Variants in OCIAD2 observed in about 807,000 individuals in gnomAD.
OCIAD2 encodes the protein OCIA domain-containing protein 2.
Under a neutral mutation model 22.9 loss-of-function variants are expected in OCIAD2, and 29 were observed. The ratio of observed to expected loss-of-function variants is 1.27; its 90% CI spans 0.94 to 1.73. OCIAD2 has a LOEUF of 1.73. OCIAD2 is among the 40% of genes most tolerant of loss of function. The probability of loss-of-function intolerance (pLI) is 0.00; values close to 1 mark genes in which losing one functional copy is unlikely to be tolerated. For missense variants in OCIAD2, 189 were observed against 180.3 expected (o/e 1.05, Z -0.28); for synonymous variants, 67 against 60.2 (o/e 1.11, Z -0.52).
chr4:48,885,938 C>T (rs575877162), intron 6 of OCIAD2, among the ~76,000 whole-genome samples: 40 of 152,194 alleles, frequency 2.6e-4, no homozygotes, highest in Non-Finnish European at 4.9e-4. Flanking sequence ...AATAACATCC[C>T]ATTTGTCAAT....
chr4:48,904,889 G>T (rs1233791343), intron 1 of OCIAD2, among the ~76,000 whole-genome samples: 1 of 152,122 alleles, frequency 6.6e-6, no homozygotes, highest in Non-Finnish European at 1.5e-5. Context: ...GATAAGACAA[G>T]ATCACCGCTG....
chr4:48,887,452 AG>A (rs1277253166), intron 6 of OCIAD2, among the ~76,000 whole-genome samples: 3 of 152,210 alleles, frequency 2.0e-5, no homozygotes, highest in African/African-American at 7.2e-5. Context: ...GTTTTCTTCT[AG>A]GGTTCATATG....
intron 1 of OCIAD2, among the ~76,000 whole-genome samples, chr4:48,905,942 G>C (rs1781515404): frequency 6.6e-6 from 1 of 152,142 alleles, no homozygotes; most frequent in South Asian, 2.1e-4. Flanking sequence ...CAATGGTGAG[G>C]GGCTCTTGCA....
At chr4:48,906,483 C>T (rs1781528691) in intron 1 of OCIAD2, among the ~76,000 whole-genome samples, 175 bp downstream of exon 1, 3 of 152,218 alleles carry the variant, frequency 2.0e-5, no homozygotes, top group Admixed American at 2.0e-4. Context: ...GCAGCCAGCG[C>T]CACCCCAAGC....
chr4:48,906,360 T>G (rs1318704110), intron 1 of OCIAD2, among the ~76,000 whole-genome samples: 4 of 151,910 alleles, frequency 2.6e-5, no homozygotes, highest in Non-Finnish European at 5.9e-5. Flanking sequence ...TAGGATGGCT[T>G]GGAGGGGGGC....
rs1229659007 is a variant in OCIAD2, at chr4:48,885,538, G to C, written c.411C>G (p.Cys137Trp). 6.2e-7 allele frequency: 1 copy of C among 1,610,216 alleles called. No homozygotes were observed. Among genetic ancestry groups the C allele is most frequent in the Non-Finnish European group, 8.5e-7 (1 of 1,176,398 alleles). ...NRHCLLTCEE[C>W]KIKHGLSEKG... ...TCTCACTTAATCCATGCTTTATTTT[G>C]CATTCCTCACAGGTAAGGAGGCAGT... Residue 137 changes from cysteine to tryptophan, a missense_variant, in exon 7 of 7, where the codon TGC becomes TGG. Physicochemically the swap from Cys to Trp is radical, Grantham distance 215. Transcript: ENST00000508632.
At chr4:48,892,241 C>T (rs1781194426) in intron 6 of OCIAD2, among the ~76,000 whole-genome samples, 2 of 152,178 alleles carry the variant, frequency 1.3e-5, no homozygotes, top group African/African-American at 4.8e-5. Context: ...ATCTTGATCA[C>T]TATTTTATAC....
chr4:48,888,987 A>T (rs1451523311), intron 6 of OCIAD2, among the ~76,000 whole-genome samples: 1 of 152,060 alleles, frequency 6.6e-6, no homozygotes. Flanking sequence ...TTGGTTGGTA[A>T]GCTATTAATT....
chr4:48,889,484 C>T (rs1781101359), intron 6 of OCIAD2, among the ~76,000 whole-genome samples: 1 of 152,208 alleles, frequency 6.6e-6, no homozygotes, highest in East Asian at 1.9e-4. Context: ...GACATTTATG[C>T]AGCCAACAGA....
rs191172064 is a variant in OCIAD2, at chr4:48,891,613, C to A, written c.383+1159G>T. On this transcript the variant is annotated intron_variant, in intron 6 of 6. Transcript: ENST00000508632. Reference sequence around the variant, plus strand: ...AAGTGGGTTAATTGCAAAAGACACTCCTGAAATTGAAGAGGAAGAGGAAGA... The same window carrying A: ...AAGTGGGTTAATTGCAAAAGACACTACTGAAATTGAAGAGGAAGAGGAAGA... 2.6e-5 allele frequency among the ~76,000 whole-genome samples: 4 copies of A among 152,296 alleles called. No homozygotes were observed. In the South Asian group the frequency reaches 8.3e-4, roughly 32 times the overall value.
chr4:48,891,799 T>C (rs1419436231), intron 6 of OCIAD2, among the ~76,000 whole-genome samples: 1 of 152,222 alleles, frequency 6.6e-6, no homozygotes, highest in Non-Finnish European at 1.5e-5. Flanking sequence ...TATAGATTCT[T>C]TGGTGGCCTT....
chr4:48,897,062 A>G (rs895114005), intron 4 of OCIAD2: 2 of 152,528 alleles, frequency 1.3e-5, no homozygotes, highest in African/African-American at 4.8e-5. Context: ...GCCAAAAGAA[A>G]TGGTGTGGTG....
intron 2 of OCIAD2, among the ~76,000 whole-genome samples, chr4:48,901,393 C>T (rs1781414880): frequency 6.6e-6 from 1 of 152,128 alleles, no homozygotes; most frequent in Non-Finnish European, 1.5e-5. Flanking sequence ...TTGTTGCAGT[C>T]TCCACTCCTA....
Position 48,885,381 on chromosome 4 carries a change from G to A in OCIAD2, c.*103C>T, listed in dbSNP as rs1780951261. Reference sequence around the variant, plus strand: ...CATTTCAGTGAGTGACAGACACAATGTTTTTGTTCCATTAGAAGTATTTTA... The same window carrying A: ...CATTTCAGTGAGTGACAGACACAATATTTTTGTTCCATTAGAAGTATTTTA... On this transcript the variant is annotated 3_prime_UTR_variant, in exon 7 of 7. Coordinates refer to ENST00000508632, the MANE Select transcript of OCIAD2 (RefSeq NM_001014446.3). The A allele has an allele frequency of 2.7e-6, 2 of 745,094 alleles. No homozygotes were observed. Among genetic ancestry groups the A allele is most frequent in the Non-Finnish European group, 2.4e-6 (1 of 412,744 alleles). 46.2% of individuals were successfully genotyped at this position (745,094 alleles called of 1,614,324 possible).
chr4:48,888,547 G>C (rs1010584475), intron 6 of OCIAD2, among the ~76,000 whole-genome samples: 1 of 152,106 alleles, frequency 6.6e-6, no homozygotes, highest in Non-Finnish European at 1.5e-5. Context: ...TAGCATGAAG[G>C]GCTATTGGAT....
chr4:48,889,730 A>G (rs1437812123), intron 6 of OCIAD2, among the ~76,000 whole-genome samples: 6 of 152,230 alleles, frequency 3.9e-5, no homozygotes, highest in Non-Finnish European at 7.3e-5. Flanking sequence ...TAGAAATACC[A>G]TTTGACCCAA....
chr4:48,886,798 C>T (rs201535208), intron 6 of OCIAD2, among the ~76,000 whole-genome samples: 5 of 151,734 alleles, frequency 3.3e-5, no homozygotes, highest in African/African-American at 1.2e-4. Flanking sequence ...CCACAATAAA[C>T]ATACGTGTGC....
At chr4:48,888,844 G>T (rs1781075020) in intron 6 of OCIAD2, among the ~76,000 whole-genome samples, 1 of 152,104 alleles carries the variant, frequency 6.6e-6, no homozygotes, top group Non-Finnish European at 1.5e-5. Context: ...AGATGATGTT[G>T]GCCTCATAAA....
Position 48,904,566 on chromosome 4 carries a change from C to T in OCIAD2, c.-17G>A. 6.2e-7 allele frequency: 1 copy of T among 1,613,306 alleles called. No homozygotes were observed. The highest frequency in any genetic ancestry group is 8.5e-7 in the Non-Finnish European group (1 of 1,179,352). On this transcript the variant is annotated 5_prime_UTR_variant, in exon 2 of 7. Coordinates refer to ENST00000508632, the MANE Select transcript of OCIAD2 (RefSeq NM_001014446.3). The stretch of plus-strand genomic sequence containing the variant: ...TGAAGCCATGATGACTTTGTGCTTG[C>T]TCTCCTTCCAGTTGTTTATCCTCTG...
Sources: gnomAD v4.1 joint callset for allele counts (sites outside exome capture counted in the v4.1 genomes callset) on GRCh38, gnomAD v4.1.1 for gene constraint, MANE v1.5 for transcripts, NCBI Gene and HGNC (gene_info 2026-07-23, HGNC 2026-07-21) for gene names.